DOCK4: variants seen among roughly 807,000 people sequenced by gnomAD.
DOCK4 encodes the protein dedicator of cytokinesis protein 4.
A neutral mutation model predicts 268.1 loss-of-function variants in DOCK4; 97 were observed. The observed-to-expected ratio is 0.36, with a 90% CI of 0.31 to 0.43. DOCK4 has a LOEUF of 0.43. Among genes scored for constraint, DOCK4 ranks in the 20% least tolerant of loss-of-function variants. The pLI is 1.00. For synonymous variants in DOCK4, 954 were observed against 887.2 expected, an observed-to-expected ratio of 1.08 and a Z score of -1.34; for missense variants, 2,145 against 2,455.7, an observed-to-expected ratio of 0.87 and a Z score of 2.67.
intron 16 of DOCK4, among the ~76,000 whole-genome samples, chr7:111,884,904 G>A (rs972333806): frequency 3.3e-5 from 5 of 152,174 alleles, no homozygotes; most frequent in African/African-American, 4.8e-5. Flanking sequence ...AACAGCTGTT[G>A]CCTAGAGTTT....
In DOCK4 at chr7:111,968,509, G is replaced by A. The variant is rs374079125; in HGVS notation, c.701+8623C>T. ...GAAATGCAAATCAAAACCACTATGA[G>A]ATATCATCTCACACCAGTTAGAAAG... On this transcript the variant is annotated intron_variant, in intron 8 of 52. Coordinates refer to ENST00000428084, the MANE Select transcript of DOCK4 (RefSeq NM_001363540.2). Among the ~76,000 whole-genome samples the A allele has an allele frequency of 5.9e-5, 6 of 101,168 alleles. No homozygotes were observed. The East Asian group carries it at 1.6e-3, about 26-fold the overall frequency. 66.4% of individuals were successfully genotyped at this position (101,168 alleles called of 152,430 possible). A position where few individuals can be genotyped will look rare whatever the true frequency, so the allele number is the denominator to read the frequency against.
At chr7:112,161,433 G>A (rs1202023684) in intron 1 of DOCK4, among the ~76,000 whole-genome samples, 1 of 152,154 alleles carries the variant, frequency 6.6e-6, no homozygotes, top group Non-Finnish European at 1.5e-5. Context: ...GTCTGGCATG[G>A]AAAACCTAAT....
At chr7:112,158,503 C>G (rs1335237997) in intron 1 of DOCK4, among the ~76,000 whole-genome samples, 2 of 152,112 alleles carry the variant, frequency 1.3e-5, no homozygotes, top group Non-Finnish European at 2.9e-5. Flanking sequence ...AATACAAGAA[C>G]TGATAAGGTT....
intron 22 of DOCK4, among the ~76,000 whole-genome samples, chr7:111,864,826 G>C (rs1038424736): frequency 6.6e-6 from 1 of 152,172 alleles, no homozygotes; most frequent in African/African-American, 2.4e-5. Context: ...AATGAGCCCA[G>C]CTTTCTGATT....
intron 22 of DOCK4, among the ~76,000 whole-genome samples, chr7:111,866,633 G>C (rs1805996829): frequency 6.6e-6 from 1 of 152,100 alleles, no homozygotes; most frequent in African/African-American, 2.4e-5. Context: ...GGTGGCCCAA[G>C]CCACCTTAGG....
intron 1 of DOCK4, among the ~76,000 whole-genome samples, chr7:112,065,585 G>A (rs1806848699): frequency 6.7e-6 from 1 of 148,600 alleles, no homozygotes; most frequent in South Asian, 2.2e-4. Flanking sequence ...GCTGAGTACA[G>A]GAATTCCTGA....
At chr7:112,147,795 A>ATTTTTTT (rs553280609) in intron 1 of DOCK4, among the ~76,000 whole-genome samples, 2 of 102,860 alleles carry the variant, frequency 1.9e-5, no homozygotes, top group African/African-American at 7.6e-5. Flanking sequence ...GCAAACGTAG[A>ATTTTTTT]TTTTTTTTTT....
At chr7:111,978,770 G>A (rs1342776296) in intron 7 of DOCK4, among the ~76,000 whole-genome samples, 1 of 152,172 alleles carries the variant, frequency 6.6e-6, no homozygotes, top group Non-Finnish European at 1.5e-5. Context: ...ATGCCCTAAA[G>A]GTTTCTAATC....
chr7:111,762,757 G>GTTTTTTTTTTTTTTTTTTTT (rs1797499588), intron 39 of DOCK4, among the ~76,000 whole-genome samples: 3 of 55,012 alleles, frequency 5.5e-5, no homozygotes, highest in African/African-American at 2.0e-4. Context: ...ATTTTGTTTT[G>GTTTTTTTTTTTTTTTTTTTT]TTTTCTTTTT....
intron 12 of DOCK4, among the ~76,000 whole-genome samples, chr7:111,925,114 A>G (rs1793491897): frequency 6.6e-6 from 1 of 152,254 alleles, no homozygotes. Context: ...ATCAGAGCAC[A>G]AATTTTACAT....
At chr7:111,948,717 C>T (rs887156797) in intron 8 of DOCK4, among the ~76,000 whole-genome samples, 1 of 151,748 alleles carries the variant, frequency 6.6e-6, no homozygotes, top group Non-Finnish European at 1.5e-5. Flanking sequence ...GCCTCAGCTT[C>T]CTGAGTAGCT....
intron 16 of DOCK4, among the ~76,000 whole-genome samples, chr7:111,881,746 T>TA (rs2134291565): frequency 6.6e-6 from 1 of 152,230 alleles, no homozygotes; most frequent in Non-Finnish European, 1.5e-5. Flanking sequence ...TATTCAGCCA[T>TA]AAAAAAGAAT....
intron 16 of DOCK4, among the ~76,000 whole-genome samples, chr7:111,880,623 C>T (rs530465474): frequency 6.6e-6 from 1 of 152,180 alleles, no homozygotes; most frequent in African/African-American, 2.4e-5. Flanking sequence ...AAATGATGAA[C>T]CAATCAAAAA....
chr7:111,905,869 G>A (rs1791527801), intron 13 of DOCK4, among the ~76,000 whole-genome samples: 1 of 152,056 alleles, frequency 6.6e-6, no homozygotes, highest in African/African-American at 2.4e-5. Context: ...AATGATGATG[G>A]CAGTAGTAAC....
intron 27 of DOCK4, among the ~76,000 whole-genome samples, chr7:111,816,614 C>T (rs1211519044): frequency 6.6e-6 from 1 of 152,120 alleles, no homozygotes; most frequent in African/African-American, 2.4e-5. Flanking sequence ...GAAGAGAAGA[C>T]AAGGAAGGGC....
At chr7:111,844,729 CCT>C in intron 25 of DOCK4, 32 bp downstream of exon 25, 1 of 1,594,908 alleles carries the variant, frequency 6.3e-7, no homozygotes, top group East Asian at 2.3e-5. Context: ...ATAACCAGGC[CCT>C]GTTCCACGTG....
In DOCK4 at chr7:111,868,023, C is replaced by T. The variant is rs368007039; in HGVS notation, c.2241G>A (p.Ser747=). 123 of 1,611,568 alleles carry T rather than the reference C, an allele frequency of 7.6e-5. 1 individual carries two copies. The Middle Eastern group carries it at 1.2e-3, about 15-fold the overall frequency. ...ATGCTCCAGACCCTTTGCTCTCTTG[C>T]GAAAGAAAGAAACGGACTGACATGA... ...ELLMSVRFFL[S]QESKGSGALS... is the part of the protein sequence containing the mutation. Residue 747 remains serine, a synonymous_variant, in exon 22 of 53, where the codon TCG becomes TCA. Transcript: ENST00000428084.
At chr7:111,929,822 T>C (rs1262816943) in intron 12 of DOCK4, among the ~76,000 whole-genome samples, 1 of 152,200 alleles carries the variant, frequency 6.6e-6, no homozygotes, top group African/African-American at 2.4e-5. Flanking sequence ...GCAAATATGA[T>C]TTCTTCTAGG....
At chr7:112,108,770 T>C (rs1811359479) in intron 1 of DOCK4, among the ~76,000 whole-genome samples, 1 of 152,222 alleles carries the variant, frequency 6.6e-6, no homozygotes, top group African/African-American at 2.4e-5. Flanking sequence ...ACCCACACGA[T>C]TGCATTTCAG....
Sources: gnomAD v4.1 joint callset for allele counts (sites outside exome capture counted in the v4.1 genomes callset) on GRCh38, gnomAD v4.1.1 for gene constraint, MANE v1.5 for transcripts, NCBI Gene and HGNC (gene_info 2026-07-23, HGNC 2026-07-21) for gene names.